The following ADCY1 variants were observed in gnomAD, a reference collection of about 807,000 sequenced individuals.
The protein encoded by ADCY1 is adenylate cyclase 1.
In ADCY1, 28 loss-of-function variants were observed where a neutral mutation model predicts 105.4. The ratio of observed to expected loss-of-function variants is 0.27; its 90% CI spans 0.20 to 0.36. ADCY1 has a LOEUF of 0.36. Ranked by LOEUF, ADCY1 falls within the 10% of genes least tolerant of loss-of-function variation. The pLI, the probability that ADCY1 is intolerant of heterozygous loss-of-function variation, is 1.00. For synonymous variants in ADCY1, 655 were observed against 623.8 expected (o/e 1.05, Z -0.75); for missense variants, 977 against 1,434.2 (o/e 0.68, Z 5.15).
chr7:45,576,752 C>T (rs1054786908), intron 1 of ADCY1, among the ~76,000 whole-genome samples: 5 of 152,022 alleles, frequency 3.3e-5, no homozygotes, highest in African/African-American at 1.2e-4. Flanking sequence ...ACAGCCAGAC[C>T]CGCAACCGCA....
intron 1 of ADCY1, among the ~76,000 whole-genome samples, chr7:45,579,227 C>G (rs561759734): frequency 1.8e-4 from 27 of 152,132 alleles, no homozygotes; most frequent in African/African-American, 6.0e-4. Flanking sequence ...ATCTGCCAGC[C>G]CTCAGGCTGT....
intron 1 of ADCY1, among the ~76,000 whole-genome samples, chr7:45,584,399 C>T (rs1346258954): frequency 6.6e-6 from 1 of 152,226 alleles, no homozygotes; most frequent in African/African-American, 2.4e-5. Flanking sequence ...GGGCCCAAGG[C>T]ATCACATGTC....
rs73320918 is a variant in ADCY1, at chr7:45,689,516, C to T, written c.2454+2843C>T. ...GCAAGGGGGTGGGGGGAAGGTGCCACACACTTTAAAACAACTGGATCTTGC... is the reference window on the plus strand; with the variant it reads ...GCAAGGGGGTGGGGGGAAGGTGCCATACACTTTAAAACAACTGGATCTTGC... On this transcript the variant is annotated intron_variant, in intron 14 of 19. Transcript: ENST00000297323. Among the ~76,000 whole-genome samples, 942 of 152,190 alleles carry T rather than the reference C, an allele frequency of 6.2e-3. 13 individuals are homozygous for T. The highest frequency in any genetic ancestry group is 0.022 in the African/African-American group (897 of 41,514).
At chr7:45,585,670 A>C (rs966884312) in intron 1 of ADCY1, among the ~76,000 whole-genome samples, 2 of 150,640 alleles carry the variant, frequency 1.3e-5, no homozygotes, top group African/African-American at 4.9e-5. Context: ...CTGGTCTTGA[A>C]CTCCTGACCT....
In ADCY1 at chr7:45,718,006, C is replaced by T. The variant is rs1323380097; in HGVS notation, c.*4011C>T. 1 of 152,402 alleles carries T rather than the reference C, an allele frequency of 6.6e-6. No homozygotes were observed. Among genetic ancestry groups the T allele is most frequent in the Non-Finnish European group, 1.5e-5 (1 of 68,070 alleles). 9.4% of individuals were successfully genotyped at this position (152,402 alleles called of 1,614,324 possible). ...GTGGGAGGCGGGGAGCTGCCACTCCCAAAGCCTCCACCCCTTCCTGAAGAC... is the reference window on the plus strand; with the variant it reads ...GTGGGAGGCGGGGAGCTGCCACTCCTAAAGCCTCCACCCCTTCCTGAAGAC... On this transcript the variant is annotated 3_prime_UTR_variant, in exon 20 of 20. Coordinates refer to ENST00000297323, the MANE Select transcript of ADCY1 (RefSeq NM_021116.4).
intron 14 of ADCY1, among the ~76,000 whole-genome samples, chr7:45,701,569 G>A (rs934031643): frequency 2.0e-5 from 3 of 152,136 alleles, no homozygotes; most frequent in Non-Finnish European, 4.4e-5. Context: ...TATTATTTTA[G>A]AAAATATTCT....
Position 45,574,826 on chromosome 7 carries a change from C to A in ADCY1, c.283C>A (p.His95Asn). The A allele has an allele frequency of 6.2e-7, 1 of 1,609,844 alleles. No individual in the cohort carries two copies. The change falls in exon 1 of 20, where the codon CAC becomes AAC. Residue 95 changes from histidine (H) to asparagine (N), a missense_variant. His to Asn is a moderately conservative substitution (Grantham distance 68, BLOSUM62 1). Coordinates refer to ENST00000297323, the MANE Select transcript of ADCY1 (RefSeq NM_021116.4). This position sits in a 1 kb window ranked among gnomAD's most constrained non-coding sequence, Gnocchi z 7.0. ...CGCGCCCGGCCTGGCCAAGGGCTCA[C>A]ACCCGGTGCACTGCGTCCTCTTCCT... is the stretch of plus-strand genomic sequence containing the variant. ...GPAPGLAKGS[H>N]PVHCVLFLAL...
chr7:45,604,170 A>G (rs1341324153), intron 2 of ADCY1, among the ~76,000 whole-genome samples: 2 of 152,210 alleles, frequency 1.3e-5, no homozygotes, highest in East Asian at 3.8e-4. Flanking sequence ...GTACCCAGCA[A>G]CATATCCATG....
chr7:45,684,296 A>G (rs905916688), intron 11 of ADCY1: 8 of 152,212 alleles, frequency 5.3e-5, no homozygotes, highest in African/African-American at 9.7e-5. Flanking sequence ...CTTTTTCTCA[A>G]CTGTAGAGCG....
At chr7:45,612,454 A>G (rs1210646132) in intron 3 of ADCY1, among the ~76,000 whole-genome samples, 1 of 152,036 alleles carries the variant, frequency 6.6e-6, no homozygotes, top group Non-Finnish European at 1.5e-5. Flanking sequence ...TTGTCATTTC[A>G]CTCACTGCCT....
At position 45,715,095 on chromosome 7, in the gene ADCY1, T is replaced by TGATA. The variant is rs1338496647; in HGVS notation, c.*1102_*1105dup. 2.0e-5 allele frequency: 3 copies of TGATA among 152,336 alleles called. No individual in the cohort carries two copies. The highest frequency in any genetic ancestry group is 4.1e-4 in the South Asian group (2 of 4,828). The allele number at this position is 152,336 out of a possible 1,614,324, so 9.4% of individuals were successfully genotyped here. ...AATTTGCAGGGAAATTGACTGCAGG[T>TGATA]GATAGTGTTGACGTCTGACGTCTGA... On this transcript the variant is annotated 3_prime_UTR_variant, in exon 20 of 20. Transcript: ENST00000297323.
intron 2 of ADCY1, among the ~76,000 whole-genome samples, chr7:45,597,925 G>T (rs1210549473): frequency 6.6e-6 from 1 of 152,072 alleles, no homozygotes; most frequent in Non-Finnish European, 1.5e-5. Flanking sequence ...GATTCCTTTG[G>T]GGGGATTTGA....
intron 4 of ADCY1, among the ~76,000 whole-genome samples, chr7:45,636,371 T>C (rs1794398390): frequency 6.6e-6 from 1 of 152,212 alleles, no homozygotes; most frequent in Non-Finnish European, 1.5e-5. Context: ...TTATGCTGTA[T>C]TGTTTGGGGA....
intron 8 of ADCY1, among the ~76,000 whole-genome samples, chr7:45,673,254 A>G (rs1160600536): frequency 2.0e-5 from 3 of 151,996 alleles, no homozygotes; most frequent in Admixed American, 6.6e-5. Flanking sequence ...GTTTTGTACT[A>G]TCTTCGTCTG....
chr7:45,683,494 C>T (rs1456863758), intron 11 of ADCY1, among the ~76,000 whole-genome samples: 1 of 152,152 alleles, frequency 6.6e-6, no homozygotes, highest in East Asian at 1.9e-4. Flanking sequence ...GCTTCTCTTA[C>T]TCTGTCACCT....
chr7:45,712,931 A>C (rs1047379408), intron 19 of ADCY1, among the ~76,000 whole-genome samples: 1 of 152,066 alleles, frequency 6.6e-6, no homozygotes, highest in African/African-American at 2.4e-5. Context: ...TTCTCTGGAC[A>C]GTTTGCCTGC....
chr7:45,681,307 C>A (rs1584327865), intron 11 of ADCY1, among the ~76,000 whole-genome samples: 1 of 152,098 alleles, frequency 6.6e-6, no homozygotes, highest in African/African-American at 2.4e-5. Flanking sequence ...AGGAGGCTAG[C>A]CTGCAGTTAT....
At chr7:45,589,918 C>A (rs1345153625) in intron 1 of ADCY1, among the ~76,000 whole-genome samples, 1 of 152,088 alleles carries the variant, frequency 6.6e-6, no homozygotes, top group Admixed American at 6.5e-5. Context: ...GGTGACAGTG[C>A]CCTTCAGATA....
chr7:45,625,457 G>C (rs1036801355), intron 4 of ADCY1, among the ~76,000 whole-genome samples: 1 of 152,160 alleles, frequency 6.6e-6, no homozygotes, highest in Non-Finnish European at 1.5e-5. Flanking sequence ...ATGTGTGTGA[G>C]TGTGCACATA....
Sources: gnomAD v4.1 joint callset for allele counts (sites outside exome capture counted in the v4.1 genomes callset) on GRCh38, gnomAD v4.1.1 for gene constraint, Gnocchi (gnomAD v3.1) non-coding constraint, MANE v1.5 for transcripts, NCBI Gene and HGNC (gene_info 2026-07-23, HGNC 2026-07-21) for gene names.